The following FHIT variants were observed in gnomAD, a reference collection of about 807,000 sequenced individuals.
FHIT encodes bis(5'-adenosyl)-triphosphatase.
FHIT carries 19 observed loss-of-function variants against 17.9 expected under a neutral mutation model. The ratio of observed to expected loss-of-function variants is 1.06; its 90% CI spans 0.74 to 1.56. FHIT has a LOEUF of 1.56. Among genes scored for constraint, FHIT ranks in the 40% most tolerant of loss-of-function variants. The pLI, the probability that FHIT is intolerant of heterozygous loss-of-function variation, is 0.00. For missense variants in FHIT, 248 were observed against 189.2 expected (o/e 1.31, Z -1.82); for synonymous variants, 81 against 69.7 (o/e 1.16, Z -0.81).
chr3:60,099,301 G>T lies in FHIT; in HGVS notation c.104-85149C>A, dbSNP rs563368194. ...ATGATTCACAAATGGAATGGGATGGGCTCAAACGATAAAAATAATAATGGC... is the reference window on the plus strand; with the variant it reads ...ATGATTCACAAATGGAATGGGATGGTCTCAAACGATAAAAATAATAATGGC... On this transcript the variant is annotated intron_variant, in intron 5 of 9. Coordinates refer to ENST00000492590, the MANE Select transcript of FHIT (RefSeq NM_002012.4). Among the ~76,000 whole-genome samples, 3 of 152,256 alleles carry T rather than the reference G, an allele frequency of 2.0e-5. No individual in the cohort carries two copies. In the South Asian group the frequency reaches 6.2e-4, roughly 32 times the overall value.
At chr3:59,960,116 G>A (rs551919778) in intron 7 of FHIT, among the ~76,000 whole-genome samples, 1 of 152,174 alleles carries the variant, frequency 6.6e-6, no homozygotes, top group African/African-American at 2.4e-5. Context: ...AAATTTGAGA[G>A]AGAGGAAGAC....
intron 4 of FHIT, among the ~76,000 whole-genome samples, chr3:60,573,142 G>A (rs1163187361): frequency 2.6e-5 from 4 of 152,116 alleles, no homozygotes; most frequent in Admixed American, 1.3e-4. Flanking sequence ...CTGGGGTCAG[G>A]AAGGTTAACC....
intron 8 of FHIT, among the ~76,000 whole-genome samples, chr3:59,816,149 A>G (rs1700592416): frequency 6.6e-6 from 1 of 152,174 alleles, no homozygotes; most frequent in Non-Finnish European, 1.5e-5. Context: ...AGACTGAATA[A>G]CTGTGAGACT....
intron 4 of FHIT, among the ~76,000 whole-genome samples, chr3:60,646,178 G>A (rs1240509610): frequency 6.6e-6 from 1 of 152,184 alleles, no homozygotes; most frequent in African/African-American, 2.4e-5. Flanking sequence ...AGCAGTGTTT[G>A]CAGCTAGGAG....
intron 4 of FHIT, among the ~76,000 whole-genome samples, chr3:60,559,276 C>CT (rs2036848949): frequency 6.6e-6 from 1 of 152,146 alleles, no homozygotes; most frequent in Non-Finnish European, 1.5e-5. Context: ...TAGAGGCATG[C>CT]ATTTCTATAA....
chr3:60,398,216 T>C (rs948882832), intron 5 of FHIT, among the ~76,000 whole-genome samples: 4 of 152,166 alleles, frequency 2.6e-5, no homozygotes, highest in Admixed American at 2.6e-4. Flanking sequence ...CTCTTTCTCC[T>C]GTAGCTATGA....
chr3:60,347,680 G>GGC (rs1553750563), intron 5 of FHIT, among the ~76,000 whole-genome samples: 3 of 144,946 alleles, frequency 2.1e-5, no homozygotes, highest in Non-Finnish European at 4.6e-5. Flanking sequence ...TGGTTTGGGG[G>GGC]GGGGGGGGGT....
intron 4 of FHIT, among the ~76,000 whole-genome samples, chr3:60,668,371 G>GAAAAAAA (rs60941309): frequency 1.5e-5 from 1 of 68,030 alleles, no homozygotes; most frequent in Non-Finnish European, 2.7e-5. Context: ...GCTCAATCAG[G>GAAAAAAA]AAAAAAAAAA....
chr3:61,016,442 T>C (rs2032110625), intron 3 of FHIT, among the ~76,000 whole-genome samples: 1 of 152,202 alleles, frequency 6.6e-6, no homozygotes, highest in Non-Finnish European at 1.5e-5. Context: ...GGATAGGCCT[T>C]ATTTTAAAGA....
At chr3:60,600,852 C>A (rs923313642) in intron 4 of FHIT, among the ~76,000 whole-genome samples, 12 of 152,190 alleles carry the variant, frequency 7.9e-5, no homozygotes, top group South Asian at 2.1e-4. Context: ...GAGAAGATGC[C>A]CCCTCTGGGC....
intron 4 of FHIT, among the ~76,000 whole-genome samples, chr3:60,796,802 G>A (rs911901450): frequency 2.0e-5 from 3 of 152,138 alleles, no homozygotes; most frequent in Non-Finnish European, 2.9e-5. Context: ...GGCTGGTCTC[G>A]AACTCCTGAC....
intron 1 of FHIT, among the ~76,000 whole-genome samples, chr3:61,236,168 T>C (rs929328958): frequency 1.4e-5 from 2 of 148,090 alleles, no homozygotes; most frequent in African/African-American, 4.9e-5. Flanking sequence ...TTATAACATA[T>C]ACTATAATAA....
chr3:60,296,343 TTA>T (rs1159287232), intron 5 of FHIT, among the ~76,000 whole-genome samples: 2 of 152,208 alleles, frequency 1.3e-5, no homozygotes, highest in African/African-American at 4.8e-5. Context: ...TCACCAGCAT[TTA>T]GTGTTGTCAC....
At chr3:60,154,755 G>A (rs541802666) in intron 5 of FHIT, among the ~76,000 whole-genome samples, 1 of 152,090 alleles carries the variant, frequency 6.6e-6, no homozygotes, top group Non-Finnish European at 1.5e-5. Context: ...TAATCTCTGT[G>A]ACAGTTTACT....
intron 4 of FHIT, among the ~76,000 whole-genome samples, chr3:60,812,965 T>C (rs1368068611): frequency 6.6e-6 from 1 of 152,128 alleles, no homozygotes; most frequent in African/African-American, 2.4e-5. Flanking sequence ...AGGGGTTATG[T>C]TATGATTTAA....
chr3:60,629,858 T>C (rs1209563442), intron 4 of FHIT, among the ~76,000 whole-genome samples: 1 of 152,220 alleles, frequency 6.6e-6, no homozygotes, highest in African/African-American at 2.4e-5. Context: ...CCTAGAATCA[T>C]AAGAGCAGGG....
At chr3:60,836,649 G>A in intron 3 of FHIT, among the ~76,000 whole-genome samples, 1 of 152,244 alleles carries the variant, frequency 6.6e-6, no homozygotes, top group South Asian at 2.1e-4. Flanking sequence ...GTAACCAAAT[G>A]CAGGTCCAGA....
chr3:60,158,755 T>G (rs1013058383), intron 5 of FHIT, among the ~76,000 whole-genome samples: 4 of 152,170 alleles, frequency 2.6e-5, no homozygotes, highest in African/African-American at 9.7e-5. Context: ...GTCTTCCCTT[T>G]AGAGATGTGA....
intron 2 of FHIT, among the ~76,000 whole-genome samples, chr3:61,174,632 C>T (rs1424724738): frequency 6.6e-6 from 1 of 152,208 alleles, no homozygotes; most frequent in Non-Finnish European, 1.5e-5. Context: ...TTTTCACATG[C>T]TATAGCCAGG....
Sources: gnomAD v4.1 joint callset for allele counts (sites outside exome capture counted in the v4.1 genomes callset) on GRCh38, gnomAD v4.1.1 for gene constraint, MANE v1.5 for transcripts, NCBI Gene and HGNC (gene_info 2026-07-23, HGNC 2026-07-21) for gene names.